ZBED1: variants seen among roughly 807,000 people sequenced by gnomAD.
ZBED1 encodes zinc finger BED-type containing 1, also known as E3 SUMO-protein ligase ZBED1.
ZBED1 carries 19 observed loss-of-function variants against 49.7 expected under a neutral mutation model. That is an observed-to-expected ratio of 0.38 (90% CI 0.27 to 0.56). The LOEUF is 0.56. Ranked by LOEUF, ZBED1 falls within the 20% of genes least tolerant of loss-of-function variation. ZBED1 has a pLI of 0.70. For synonymous variants in ZBED1, 439 were observed against 440.3 expected (o/e 1.00, Z 0.04); for missense variants, 806 against 972.6 (o/e 0.83, Z 2.28).
chrX:2,489,528 C>T lies in ZBED1; in HGVS notation c.1192G>A (p.Val398Met). The change falls in exon 2 of 2, where the codon GTG becomes ATG. Residue 398 changes from valine (V) to methionine (M), a missense_variant. This residue lies in a region of ZBED1 where 749 missense variants were observed against 861.3 expected (regional missense o/e 0.87). Transcript: ENST00000652001. The stretch of plus-strand genomic sequence containing the variant: ...TGCTTGAAGGGCTGCAGGAGCTCCA[C>T]CAGCCCCTCGATGGTGGCCCACTCG... ...ASEWATIEGLVELLQPFKQVA... is the reference protein window; with the variant it reads ...ASEWATIEGLMELLQPFKQVA... The T allele has an allele frequency of 6.2e-7, 1 of 1,613,016 alleles. No individual in the cohort carries two copies. The highest frequency in any genetic ancestry group is 8.5e-7 in the Non-Finnish European group (1 of 1,179,850).
rs1196397104 is a variant in ZBED1 at position 2,489,108 on chromosome X, G to C, written c.1612C>G (p.Pro538Ala). ...PVKKLMRTST[P>A]PPASVINNML... ...TTGTTGATGACGCTGGCGGGCGGCG[G>C]CGTGGATGTCCGCATGAGCTTCTTG... Residue 538 changes from proline to alanine, a missense_variant, in exon 2 of 2, where the codon CCG (proline) becomes GCG (alanine). Physicochemically the swap from Pro to Ala is conservative, Grantham distance 27. Around this residue, in one of 2 missense-constraint regions of ZBED1, gnomAD observed 749 missense variants for 861.3 expected, o/e 0.87. Transcript: ENST00000652001. 3.7e-6 allele frequency: 6 copies of C among 1,613,592 alleles called. No homozygotes were observed. The highest frequency in any genetic ancestry group is 1.3e-5 in the African/African-American group (1 of 75,050).
intron 1 of ZBED1, among the ~76,000 whole-genome samples, chrX:2,493,959 CAA>C (rs1196812859): frequency 6.7e-6 from 1 of 150,334 alleles, no homozygotes; most frequent in Non-Finnish European, 1.5e-5. Flanking sequence ...GCAACAAGCG[CAA>C]AACTCCGTCT....
chrX:2,496,076 G>C (rs996631943), intron 1 of ZBED1, among the ~76,000 whole-genome samples: 7 of 152,222 alleles, frequency 4.6e-5, no homozygotes, highest in African/African-American at 1.7e-4. Context: ...AGGGTACCAA[G>C]TTTCTGTTCG....
At position 2,489,046 on chromosome X, in the gene ZBED1, C is replaced by T. The variant is rs745834083; in HGVS notation, c.1674G>A (p.Val558=). The part of the protein sequence containing the change: ...LAEIFCQTGG[V]EDQEEWHAQV... ...GGGCATGCCACTCTTCCTGGTCCTC[C>T]ACGCCGCCTGTCTGGCAGAAGATCT... Residue 558 remains valine (V), a synonymous_variant, in exon 2 of 2, where the codon GTG becomes GTA. Transcript: ENST00000652001. 1.9e-6 allele frequency: 3 copies of T among 1,613,664 alleles called. No homozygotes were observed. The highest frequency in any genetic ancestry group is 2.5e-6 in the Non-Finnish European group (3 of 1,179,800).
At chrX:2,492,614 G>A (rs188411146) in intron 1 of ZBED1, among the ~76,000 whole-genome samples, 1 of 152,066 alleles carries the variant, frequency 6.6e-6, no homozygotes, top group Non-Finnish European at 1.5e-5. Flanking sequence ...TGCAGTGACA[G>A]ATGTCCTTAT....
Position 2,490,220 on chromosome X carries a change from T to C in ZBED1, c.500A>G (p.Tyr167Cys). Residue 167 changes from tyrosine (Y) to cysteine (C), a missense_variant, in exon 2 of 2, where the codon TAC becomes TGC. Transcript: ENST00000652001. Reference sequence around the variant, plus strand: ...CTCAGGGATGGCCTTGGTAGAGATGTACTTCCGGCTGGGCAGCTCATACCG... The same window carrying C: ...CTCAGGGATGGCCTTGGTAGAGATGCACTTCCGGCTGGGCAGCTCATACCG... ...DPRYELPSRKYISTKAIPEKY... is the reference protein window; with the variant it reads ...DPRYELPSRKCISTKAIPEKY... 6.2e-7 allele frequency: 1 copy of C among 1,613,946 alleles called. No individual in the cohort carries two copies. Among genetic ancestry groups the C allele is most frequent in the Non-Finnish European group, 8.5e-7 (1 of 1,179,870 alleles).
rs1471627785 is a variant in ZBED1 at position 2,486,914 on chromosome X, T to G, written c.*1721A>C. Reference sequence around the variant, plus strand: ...GTCAGCAGCCGTGAAAGGCAGGTAGTTCCTTTGCCCTCTGACACCCCGAGT... The same window carrying G: ...GTCAGCAGCCGTGAAAGGCAGGTAGGTCCTTTGCCCTCTGACACCCCGAGT... On this transcript the variant is annotated 3_prime_UTR_variant, in exon 2 of 2. Transcript: ENST00000652001. 1 of 152,226 alleles carries G rather than the reference T, an allele frequency of 6.6e-6. No homozygotes were observed. Among genetic ancestry groups the G allele is most frequent in the Admixed American group, 6.5e-5 (1 of 15,290 alleles). The allele number at this position is 152,226 out of a possible 1,614,324, so 9.4% of individuals were successfully genotyped here.
chrX:2,500,855 T>A lies in ZBED1; in HGVS notation c.-92A>T. 7.8e-6 allele frequency: 9 copies of A among 1,148,560 alleles called. No individual in the cohort carries two copies. Among genetic ancestry groups the A allele is most frequent in the Non-Finnish European group, 9.7e-6 (9 of 930,536 alleles). The allele number at this position is 1,148,560 out of a possible 1,614,324, so 71.1% of individuals were successfully genotyped here. On this transcript the variant is annotated 5_prime_UTR_variant, in exon 1 of 2. Transcript: ENST00000652001. ...GCCCCCGCGGCAGCGCCGCAGCAGC[T>A]GCGCCAGGATCACCGCGGCGCCTAC...
rs1180998871 is a variant in ZBED1 at position 2,490,694 on chromosome X, G to A, written c.26C>T (p.Ser9Phe). The A allele has an allele frequency of 6.2e-7, 1 of 1,613,702 alleles. No homozygotes were observed. Among genetic ancestry groups the A allele is most frequent in the African/African-American group, 1.3e-5 (1 of 74,902 alleles). Residue 9 changes from serine to phenylalanine, a missense_variant, in exon 2 of 2, where the codon TCC (serine) becomes TTC (phenylalanine). Coordinates refer to ENST00000652001, the MANE Select transcript of ZBED1 (RefSeq NM_001171136.2). ...GGCCACCAGCTTCAGGTCTGTCTGGGAGCTCTCCAGGCTTTTATTCTCCAT... is the reference window on the plus strand; with the variant it reads ...GGCCACCAGCTTCAGGTCTGTCTGGAAGCTCTCCAGGCTTTTATTCTCCAT... MENKSLES[S>F]QTDLKLVAHP...
Position 2,487,708 on chromosome X carries a change from GAAAATACAACA to G in ZBED1, c.*916_*926del. The G allele has an allele frequency of 6.6e-6, 1 of 152,130 alleles. No individual in the cohort carries two copies. Among genetic ancestry groups the G allele is most frequent in the South Asian group, 2.1e-4 (1 of 4,824 alleles). The allele number at this position is 152,130 out of a possible 1,614,324, so 9.4% of individuals were successfully genotyped here. ...GCAGGCTCTCTGGCAGCAACCTGTC[GAAAATACAACA>G]CATTCCACACTTTTTTTTCTGTTTG... On this transcript the variant is annotated 3_prime_UTR_variant, in exon 2 of 2. Transcript: ENST00000652001.
In ZBED1 at chrX:2,489,130, C is replaced by T. The variant is rs1307202483; in HGVS notation, c.1590G>A (p.Lys530=). The T allele has an allele frequency of 6.2e-7, 1 of 1,613,702 alleles. No individual in the cohort carries two copies. ...GCGGCGTGGATGTCCGCATGAGCTT[C>T]TTGACGGGAGGCTCCTCGGGCACCG... ...IFPVPEEPPV[K]KLMRTSTPPP... is the part of the protein sequence containing the mutation. The change falls in exon 2 of 2, where the codon AAG becomes AAA. Residue 530 remains lysine, a synonymous_variant. Coordinates refer to ENST00000652001, the MANE Select transcript of ZBED1 (RefSeq NM_001171136.2).
chrX:2,496,251 T>C (rs2045282613), intron 1 of ZBED1, among the ~76,000 whole-genome samples: 1 of 152,218 alleles, frequency 6.6e-6, no homozygotes, highest in African/African-American at 2.4e-5. Context: ...CAGGCTTGAG[T>C]GCAGTGGCGC....
intron 1 of ZBED1, among the ~76,000 whole-genome samples, chrX:2,497,122 G>C (rs1262326291): frequency 1.3e-5 from 2 of 152,162 alleles, no homozygotes; most frequent in African/African-American, 4.8e-5. Flanking sequence ...GAGGCCGGGG[G>C]CAGGGGCTCA....
At position 2,490,530 on chromosome X, in the gene ZBED1, A is replaced by G; in HGVS notation, c.190T>C (p.Ser64Pro). Residue 64 changes from serine to proline, a missense_variant, in exon 2 of 2, where the codon TCC (serine) becomes CCC (proline). Coordinates refer to ENST00000652001, the MANE Select transcript of ZBED1 (RefSeq NM_001171136.2). ...IAYSGNTSNL[S>P]YHLEKNHPEE... ...GGGTGGTTCTTCTCCAGGTGGTAGG[A>G]CAGGTTGGAGGTGTTTCCGGAGTAG... 6.2e-7 allele frequency: 1 copy of G among 1,613,948 alleles called. No homozygotes were observed. Among genetic ancestry groups the G allele is most frequent in the Non-Finnish European group, 8.5e-7 (1 of 1,179,848 alleles).
intron 1 of ZBED1, among the ~76,000 whole-genome samples, chrX:2,494,572 A>G (rs5983127): frequency 0.2 from 30,957 of 151,770 alleles, 3,637 homozygotes; most frequent in Admixed American, 0.36. Flanking sequence ...ATATTTTATT[A>G]TTATTATTTA....
Position 2,488,936 on chromosome X carries a change from AG to A in ZBED1, c.1783del (p.Leu595TrpfsTer17). On this transcript the variant is annotated frameshift_variant, in exon 2 of 2. Coordinates refer to ENST00000652001, the MANE Select transcript of ZBED1 (RefSeq NM_001171136.2). LOFTEE classifies it high-confidence loss of function. ...CTTGGGCAGCAGGGGGAAGAGGGCC[AG>A]GCGGTCTGACCACCACTTGAGGGGG... ...EDPLKWWSDR[L>X]ALFPLLPKVL... 6.3e-7 allele frequency: 1 copy of A among 1,598,862 alleles called. No individual in the cohort carries two copies.
chrX:2,490,731 C>A lies in ZBED1; in HGVS notation c.-12G>T. On this transcript the variant is annotated 5_prime_UTR_variant, in exon 2 of 2. Coordinates refer to ENST00000652001, the MANE Select transcript of ZBED1 (RefSeq NM_001171136.2). ...CTTTTATTCTCCATTGCTTCTCCAC[C>A]GGAGCCTGCCTGCTGGACGGCTGCT... The A allele has an allele frequency of 6.2e-7, 1 of 1,606,618 alleles. No individual in the cohort carries two copies. The highest frequency in any genetic ancestry group is 8.5e-7 in the Non-Finnish European group (1 of 1,175,542).
At position 2,489,829 on chromosome X, in the gene ZBED1, G is replaced by A. The variant is rs374463020; in HGVS notation, c.891C>T (p.Ala297=). The change falls in exon 2 of 2, where the codon GCC becomes GCT. Residue 297 remains alanine, a synonymous_variant. Coordinates refer to ENST00000652001, the MANE Select transcript of ZBED1 (RefSeq NM_001171136.2). The stretch of plus-strand genomic sequence containing the variant: ...GGAGCTGGAAGGCCTGCTGGATGCC[G>A]GCATTGAAGGTGTGGCCCAGGCAGG... ...HMPCLGHTFN[A]GIQQAFQLPK... is the part of the protein sequence containing the mutation. The A allele has an allele frequency of 1.3e-5, 21 of 1,613,522 alleles. No homozygotes were observed. The South Asian group carries it at 1.5e-4, about 12-fold the overall frequency.
At position 2,494,258 on chromosome X, in the gene ZBED1, T is replaced by C. The variant is rs1308660870; in HGVS notation, c.-53-3486A>G. Among the ~76,000 whole-genome samples the C allele has an allele frequency of 2.0e-5, 3 of 151,942 alleles. No individual in the cohort carries two copies. In the East Asian group the frequency reaches 5.8e-4, roughly 29 times the overall value. ...AGGTCCTGGTACCTGTAGCAAAGGC[T>C]TATATTATTACATTATTATTATTAT... On this transcript the variant is annotated intron_variant, in intron 1 of 1. Transcript: ENST00000652001.
Sources: gnomAD v4.1 joint callset for allele counts (sites outside exome capture counted in the v4.1 genomes callset) on GRCh38, gnomAD v4.1.1 for gene constraint, gnomAD v4.1.1 regional missense constraint, MANE v1.5 for transcripts, NCBI Gene and HGNC (gene_info 2026-07-23, HGNC 2026-07-21) for gene names.